The following RBL2 variants were observed in gnomAD, a reference collection of about 807,000 sequenced individuals.
RBL2 encodes retinoblastoma-like protein 2.
RBL2 carries 56 observed loss-of-function variants against 126.0 expected under a neutral mutation model. The observed-to-expected ratio is 0.44, with a 90% CI of 0.36 to 0.56. The LOEUF (loss-of-function observed/expected upper bound fraction) is 0.56. Ranked by LOEUF, RBL2 falls within the 20% of genes least tolerant of loss-of-function variation. RBL2 has a pLI of 0.00. For synonymous variants in RBL2, 454 were observed against 478.5 expected (o/e 0.95, Z 0.67); for missense variants, 1,229 against 1,398.2 (o/e 0.88, Z 1.93).
intron 9 of RBL2, among the ~76,000 whole-genome samples, chr16:53,459,833 A>C (rs1598106540): frequency 6.6e-6 from 1 of 151,954 alleles, no homozygotes; most frequent in East Asian, 1.9e-4. Context: ...AGACACAGTA[A>C]CTAATAACAC....
intron 2 of RBL2, among the ~76,000 whole-genome samples, chr16:53,439,638 G>T (rs2057994718): frequency 6.6e-6 from 1 of 152,076 alleles, no homozygotes; most frequent in African/African-American, 2.4e-5. Context: ...AAAAGAAGAG[G>T]CAGAAATTGC....
Position 53,454,818 on chromosome 16 carries a change from CATCTT to C in RBL2, c.1157_1161del (p.Ile386ThrfsTer5). The C allele has an allele frequency of 6.2e-7, 1 of 1,611,358 alleles. No homozygotes were observed. Among genetic ancestry groups the C allele is most frequent in the East Asian group, 2.2e-5 (1 of 44,806 alleles). ...CTGCTGAAAGGGTGCAGATGAAAAA[CATCTT>C]ACAGCAGCATTTTGACAAGGTGAGT... On this transcript the variant is annotated frameshift_variant, in exon 8 of 22. Coordinates refer to ENST00000262133, the MANE Select transcript of RBL2 (RefSeq NM_005611.4). LOFTEE classifies it high-confidence loss of function.
intron 21 of RBL2, among the ~76,000 whole-genome samples, chr16:53,483,479 G>T (rs375411339): frequency 6.6e-6 from 1 of 152,080 alleles, no homozygotes; most frequent in African/African-American, 2.4e-5. Context: ...TCAAGGCTGC[G>T]GTGAGCTATG....
chr16:53,461,325 T>C (rs1430781982), intron 9 of RBL2, among the ~76,000 whole-genome samples: 2 of 152,276 alleles, frequency 1.3e-5, no homozygotes, highest in East Asian at 3.9e-4. Context: ...AAACCCCATC[T>C]CTACTGAAAA....
At position 53,480,697 on chromosome 16, in the gene RBL2, C is replaced by T. The variant is rs752971886; in HGVS notation, c.3012C>T (p.Asp1004=). The part of the protein sequence containing the change: ...NSDMEEEERG[D]LIQFYNNIYI... Reference sequence around the variant, plus strand: ...ACATGGAAGAAGAGGAGAGGGGAGACCTCATTCAGTTCTACAACAACATCT... The same window carrying T: ...ACATGGAAGAAGAGGAGAGGGGAGATCTCATTCAGTTCTACAACAACATCT... The change falls in exon 20 of 22, where the codon GAC becomes GAT. Residue 1004 remains aspartate (D), a synonymous_variant. Transcript: ENST00000262133. 5 of 1,613,626 alleles carry T rather than the reference C, an allele frequency of 3.1e-6. No homozygotes were observed. Among genetic ancestry groups the T allele is most frequent in the South Asian group, 2.2e-5 (2 of 91,072 alleles).
intron 21 of RBL2, among the ~76,000 whole-genome samples, chr16:53,482,778 C>T (rs1961004424): frequency 6.7e-6 from 1 of 150,056 alleles, no homozygotes; most frequent in Non-Finnish European, 1.5e-5. Context: ...CCATTGCACT[C>T]CAGCCTGGGT....
intron 21 of RBL2, among the ~76,000 whole-genome samples, chr16:53,487,293 CTG>C (rs1961213522): frequency 6.6e-6 from 1 of 152,170 alleles, no homozygotes; most frequent in African/African-American, 2.4e-5. Flanking sequence ...CACAAAATAT[CTG>C]TATTATAACA....
chr16:53,442,612 T>C (rs1262758362), intron 2 of RBL2, 46 bp from the exon 3 acceptor site: 1 of 1,391,626 alleles, frequency 7.2e-7, no homozygotes, highest in East Asian at 2.3e-5. Flanking sequence ...TTGTATACTT[T>C]AGCCTTATGT....
intron 21 of RBL2, among the ~76,000 whole-genome samples, chr16:53,483,226 A>G (rs893215732): frequency 6.6e-6 from 1 of 152,042 alleles, no homozygotes; most frequent in African/African-American, 2.4e-5. Context: ...TCAGTGTACT[A>G]TTTTTTTCAA....
chr16:53,449,558 A>C (rs1178849381), intron 4 of RBL2: 3 of 145,678 alleles, frequency 2.1e-5, no homozygotes, highest in African/African-American at 7.6e-5. Flanking sequence ...TTGCACCTCC[A>C]GTCTGGGCGA....
chr16:53,461,791 T>C lies in RBL2; in HGVS notation c.1397T>C (p.Met466Thr). The change falls in exon 10 of 22, where the codon ATG becomes ACG. Residue 466 changes from methionine to threonine, a missense_variant. Met to Thr is a moderately conservative substitution (Grantham distance 81). Coordinates refer to ENST00000262133, the MANE Select transcript of RBL2 (RefSeq NM_005611.4). ...TQAIANRLKE[M>T]FEIYSQHFQP... is the part of the protein sequence containing the mutation. ...GCTATTGCTAACAGACTGAAAGAAA[T>C]GTTTGAAATATATTCTCAGCATTTC... The C allele has an allele frequency of 6.2e-7, 1 of 1,610,718 alleles. No homozygotes were observed. Among genetic ancestry groups the C allele is most frequent in the East Asian group, 2.2e-5 (1 of 44,454 alleles).
chr16:53,457,158 A>T (rs1244105916), intron 8 of RBL2, among the ~76,000 whole-genome samples: 1 of 151,876 alleles, frequency 6.6e-6, no homozygotes, highest in Non-Finnish European at 1.5e-5. Context: ...AGAGAAGTTG[A>T]ATAGACAGTT....
At chr16:53,447,761 C>A (rs2058076349) in intron 4 of RBL2, among the ~76,000 whole-genome samples, 1 of 152,112 alleles carries the variant, frequency 6.6e-6, no homozygotes, top group Non-Finnish European at 1.5e-5. Flanking sequence ...TCTCCTGCCT[C>A]AGCCTCCCGA....
chr16:53,440,618 A>G (rs1040357159), intron 2 of RBL2, among the ~76,000 whole-genome samples: 1 of 152,128 alleles, frequency 6.6e-6, no homozygotes, highest in Non-Finnish European at 1.5e-5. Context: ...CAGGGGCGTG[A>G]TCTCAGCTCA....
intron 14 of RBL2, among the ~76,000 whole-genome samples, chr16:53,468,390 A>G (rs1255336679): frequency 6.6e-6 from 1 of 152,084 alleles, no homozygotes; most frequent in African/African-American, 2.4e-5. Context: ...AACCCCCCCA[A>G]AAAAATCACT....
At chr16:53,453,855 C>A in intron 7 of RBL2, 86 bp downstream of exon 7, 1 of 1,174,780 alleles carries the variant, frequency 8.5e-7, no homozygotes. Flanking sequence ...TGTTTGTACT[C>A]TGGAAACTGA....
intron 1 of RBL2, among the ~76,000 whole-genome samples, chr16:53,436,939 A>G (rs1386488859): frequency 2.0e-5 from 3 of 152,260 alleles, no homozygotes; most frequent in Admixed American, 1.3e-4. Context: ...CTCTTTGCAT[A>G]AATTATTTAA....
At chr16:53,480,017 A>G in intron 19 of RBL2, 26 bp downstream of exon 19, 1 of 1,469,512 alleles carries the variant, frequency 6.8e-7, no homozygotes, top group Non-Finnish European at 9.4e-7. Context: ...GTGAACTACA[A>G]GACAAAATTA....
chr16:53,477,111 C>T (rs1960753502), intron 17 of RBL2, among the ~76,000 whole-genome samples: 1 of 151,792 alleles, frequency 6.6e-6, no homozygotes. Context: ...TACCATATAT[C>T]TCTTATCAAA....
Sources: allele counts gnomAD v4.1 joint callset (sites outside exome capture counted in the v4.1 genomes callset), GRCh38; gene constraint gnomAD v4.1.1; transcripts MANE v1.5; gene names NCBI Gene and HGNC (gene_info 2026-07-23, HGNC 2026-07-21).